The following COLEC10 variants were observed in gnomAD, a reference collection of about 807,000 sequenced individuals.
COLEC10 encodes the protein collectin-10.
A neutral mutation model predicts 28.4 loss-of-function variants in COLEC10; 22 were observed. The observed-to-expected ratio is 0.78, with a 90% CI of 0.55 to 1.11. COLEC10 has a LOEUF of 1.11. COLEC10 is among the 50% of genes least tolerant of loss of function. COLEC10 has a pLI of 0.00. For missense variants in COLEC10, 361 were observed against 344.1 expected (o/e 1.05, Z -0.39); for synonymous variants, 125 against 116.1 (o/e 1.08, Z -0.49).
intron 1 of COLEC10, among the ~76,000 whole-genome samples, chr8:119,079,777 T>C (rs1310014923): frequency 6.6e-6 from 1 of 152,062 alleles, no homozygotes; most frequent in Non-Finnish European, 1.5e-5. Flanking sequence ...TTTTCTTTGC[T>C]AGGTTGCAGA....
Position 119,019,553 on chromosome 8 carries a change from C to T in COLEC10, n.235+10000C>T, listed in dbSNP as rs568690665. Among the ~76,000 whole-genome samples, 8 of 152,172 alleles carry T rather than the reference C, an allele frequency of 5.3e-5. No homozygotes were observed. In the East Asian group the frequency reaches 1.4e-3, roughly 26 times the overall value. On this transcript the variant is annotated intron_variant and non_coding_transcript_variant, in intron 2 of 6. Coordinates refer to the COLEC10 transcript ENST00000521788. ...CCACTTCCATTTTTCCCCGATTGTC[C>T]ACAGTCATCTGCCAAGTTTCAACCT...
At chr8:119,014,717 C>T (rs1813958420) in intron 2 of COLEC10, among the ~76,000 whole-genome samples, 1 of 150,868 alleles carries the variant, frequency 6.6e-6, no homozygotes, top group Non-Finnish European at 1.5e-5. Flanking sequence ...TTGTAGTTGT[C>T]TCACAATTCT....
chr8:119,045,330 A>G (rs529385286), intron 2 of COLEC10, among the ~76,000 whole-genome samples: 1 of 152,314 alleles, frequency 6.6e-6, no homozygotes, highest in African/African-American at 2.4e-5. Context: ...CTCTGCATAT[A>G]GGTGTGGAAT....
intron 2 of COLEC10, among the ~76,000 whole-genome samples, chr8:119,022,015 C>T (rs1374010035): frequency 1.3e-5 from 2 of 152,112 alleles, no homozygotes; most frequent in Non-Finnish European, 2.9e-5. Context: ...ATTGTCAAGA[C>T]CATTTTATAG....
intron 2 of COLEC10, among the ~76,000 whole-genome samples, chr8:119,016,635 C>T (rs7464464): frequency 0.58 from 88,316 of 151,492 alleles, 26,402 homozygotes; most frequent in African/African-American, 0.72. Context: ...AATACACTCC[C>T]ACCAACAGTG....
intron 2 of COLEC10, among the ~76,000 whole-genome samples, chr8:119,030,914 C>T (rs1340802647): frequency 6.6e-6 from 1 of 152,162 alleles, no homozygotes; most frequent in Non-Finnish European, 1.5e-5. Context: ...CCACTGATGA[C>T]TCTGATGGAG....
At chr8:119,010,892 G>C (rs937334614) in intron 2 of COLEC10, among the ~76,000 whole-genome samples, 1 of 150,888 alleles carries the variant, frequency 6.6e-6, no homozygotes, top group Non-Finnish European at 1.5e-5. Context: ...TGTATATTTT[G>C]GATAACAGTC....
At chr8:119,077,243 ATT>A (rs762180766) in intron 1 of COLEC10, among the ~76,000 whole-genome samples, 55 of 90,270 alleles carry the variant, frequency 6.1e-4, no homozygotes, top group African/African-American at 1.5e-3. Context: ...GTAGAGAATG[ATT>A]TTTTTTTTTT....
chr8:119,107,320 C>T lies in COLEC10; in HGVS notation c.*1129C>T, dbSNP rs1162852373. Among the ~76,000 whole-genome samples the T allele has an allele frequency of 3.9e-5, 6 of 152,174 alleles. No individual in the cohort carries two copies. The highest frequency in any genetic ancestry group is 8.8e-5 in the Non-Finnish European group (6 of 68,030). On this transcript the variant is annotated 3_prime_UTR_variant, in exon 6 of 6. Transcript: ENST00000332843. ...AATGTGTGAGGCACAGAATTCGGAACATGCTTAGAACTCACATTTACTGAG... is the reference window on the plus strand; with the variant it reads ...AATGTGTGAGGCACAGAATTCGGAATATGCTTAGAACTCACATTTACTGAG...
chr8:119,089,656 C>G (rs1815549389), intron 1 of COLEC10, 24 bp from the exon 2 acceptor site: 1 of 1,578,536 alleles, frequency 6.3e-7, no homozygotes, highest in Non-Finnish European at 8.7e-7. Flanking sequence ...ATGCTTCACT[C>G]TATCTCATTT....
chr8:118,978,282 T>C, the COLEC10 span, among the ~76,000 whole-genome samples: 1 of 152,102 alleles, frequency 6.6e-6, no homozygotes, highest in African/African-American at 2.4e-5. Flanking sequence ...GTCAATATGG[T>C]GTCACATTTC....
chr8:119,012,178 C>T (rs905475952), intron 2 of COLEC10, among the ~76,000 whole-genome samples: 7 of 150,592 alleles, frequency 4.6e-5, no homozygotes, highest in Non-Finnish European at 3.0e-5. Flanking sequence ...TAATCATTAA[C>T]GGGTGCTGGA....
At chr8:118,978,030 T>A in the COLEC10 span, among the ~76,000 whole-genome samples, 1 of 151,838 alleles carries the variant, frequency 6.6e-6, no homozygotes, top group South Asian at 2.1e-4. Context: ...TAGGAAGACA[T>A]AAAAAAATTA....
chr8:119,001,104 G>A (rs572809064), intron 1 of COLEC10, among the ~76,000 whole-genome samples: 51 of 152,236 alleles, frequency 3.4e-4, no homozygotes, highest in Non-Finnish European at 6.9e-4. Context: ...GGGGAGAATC[G>A]AAACTTAAGT....
chr8:119,027,489 T>G (rs1487770041), intron 2 of COLEC10, among the ~76,000 whole-genome samples: 1 of 152,170 alleles, frequency 6.6e-6, no homozygotes, highest in African/African-American at 2.4e-5. Flanking sequence ...TGATCTTTTA[T>G]GCAAATTCAA....
intron 2 of COLEC10, among the ~76,000 whole-genome samples, chr8:119,038,500 G>A (rs1814432412): frequency 6.6e-6 from 1 of 152,168 alleles, no homozygotes; most frequent in South Asian, 2.1e-4. Context: ...TTGGGATGTG[G>A]AAATTTAATC....
At chr8:119,022,688 G>A (rs1339442582) in intron 2 of COLEC10, among the ~76,000 whole-genome samples, 1 of 151,940 alleles carries the variant, frequency 6.6e-6, no homozygotes, top group Non-Finnish European at 1.5e-5. Flanking sequence ...TGTTGCAGGA[G>A]CCTCCTAACC....
the COLEC10 span, among the ~76,000 whole-genome samples, chr8:118,969,336 C>A: frequency 0.069 from 10,428 of 152,048 alleles, 627 homozygotes; most frequent in East Asian, 0.16. Context: ...ATGTGTGATA[C>A]TATTGCAGCA....
At chr8:119,025,155 G>T (rs1213912173) in intron 2 of COLEC10, among the ~76,000 whole-genome samples, 2 of 152,142 alleles carry the variant, frequency 1.3e-5, no homozygotes, top group Admixed American at 1.3e-4. Flanking sequence ...GAAATTGACT[G>T]CAAGTTCATG....
Sources: allele counts gnomAD v4.1 joint callset (sites outside exome capture counted in the v4.1 genomes callset), GRCh38; gene constraint gnomAD v4.1.1; transcripts MANE v1.5; gene names NCBI Gene and HGNC (gene_info 2026-07-23, HGNC 2026-07-21).